HDAC8: variants seen among roughly 807,000 people sequenced by gnomAD.
The protein encoded by HDAC8 is histone deacetylase-like 1.
Under a neutral mutation model 32.2 loss-of-function variants are expected in HDAC8, and 1 was observed. The observed-to-expected ratio is 0.03, with a 90% CI of 0.01 to 0.15. The LOEUF is 0.15. Ranked by LOEUF, HDAC8 falls within the 10% of genes least tolerant of loss-of-function variation. HDAC8 has a pLI of 1.00. For missense variants in HDAC8, 117 were observed against 300.0 expected (o/e 0.39, Z 4.51); for synonymous variants, 108 against 113.9 (o/e 0.95, Z 0.33).
At chrX:72,336,121 T>C (rs1187120809) in intron 10 of HDAC8, among the ~76,000 whole-genome samples, 1 of 111,928 alleles carries the variant, frequency 8.9e-6, no homozygotes, top group Admixed American at 9.5e-5. Context: ...CCCAAGTGAC[T>C]GTACCATATT....
chrX:72,454,964 C>T (rs1435523253), intron 9 of HDAC8, among the ~76,000 whole-genome samples: 5 of 112,472 alleles, frequency 4.4e-5, no homozygotes, highest in African/African-American at 1.3e-4. Flanking sequence ...AGAATTTATT[C>T]GCACCTTACA....
intron 9 of HDAC8, among the ~76,000 whole-genome samples, chrX:72,430,758 T>C (rs925327735): frequency 8.9e-6 from 1 of 112,000 alleles, no homozygotes; most frequent in Non-Finnish European, 1.9e-5. Flanking sequence ...CCAATAAATG[T>C]TGAGTGGGAG....
At chrX:72,332,240 C>T (rs2043544989) in intron 10 of HDAC8, among the ~76,000 whole-genome samples, 1 of 112,711 alleles carries the variant, frequency 8.9e-6, no homozygotes, top group South Asian at 3.6e-4. Context: ...CCACTATGAA[C>T]ATTCACATAC....
chrX:72,440,354 T>C (rs1731426576), intron 9 of HDAC8, among the ~76,000 whole-genome samples: 1 of 111,740 alleles, frequency 8.9e-6, no homozygotes, highest in South Asian at 3.7e-4. Flanking sequence ...TAGCACTAAG[T>C]GCCCACAACA....
chrX:72,520,384 G>GT (rs1257958322), intron 4 of HDAC8, among the ~76,000 whole-genome samples: 1 of 111,894 alleles, frequency 8.9e-6, no homozygotes, highest in African/African-American at 3.2e-5. Context: ...TAAAAGAACT[G>GT]TTTTTTCCAA....
In HDAC8 at chrX:72,569,571, T is replaced by C. The variant is rs782117176; in HGVS notation, c.165-687A>G. 1.4e-4 allele frequency among the ~76,000 whole-genome samples: 16 copies of C among 112,624 alleles called. No homozygotes were observed. The South Asian group carries it at 4.1e-3, about 29-fold the overall frequency. ...ATGTTTCTAGACTTGGACCCTCCTA[T>C]CTGCCTCTGAGAGCGAGGCGAGAAG... On this transcript the variant is annotated intron_variant, in intron 2 of 10. Coordinates refer to ENST00000373573, the MANE Select transcript of HDAC8 (RefSeq NM_018486.3).
At chrX:72,500,714 A>C (rs2049183322) in intron 4 of HDAC8, among the ~76,000 whole-genome samples, 1 of 112,204 alleles carries the variant, frequency 8.9e-6, no homozygotes, top group African/African-American at 3.2e-5. Context: ...AAACTGGCAC[A>C]AGACAAAGAT....
At chrX:72,531,565 A>G (rs1195288824) in intron 4 of HDAC8, among the ~76,000 whole-genome samples, 1 of 112,032 alleles carries the variant, frequency 8.9e-6, no homozygotes, top group African/African-American at 3.2e-5. Context: ...CAATTTTAGA[A>G]TATTTTCATC....
intron 5 of HDAC8, among the ~76,000 whole-genome samples, chrX:72,491,495 A>C (rs2048870217): frequency 8.9e-6 from 1 of 112,405 alleles, no homozygotes; most frequent in African/African-American, 3.2e-5. Context: ...TAGAAACATT[A>C]GCCATTATAT....
intron 9 of HDAC8, among the ~76,000 whole-genome samples, chrX:72,434,876 A>C (rs1333560865): frequency 8.9e-6 from 1 of 112,373 alleles, no homozygotes; most frequent in African/African-American, 3.2e-5. Flanking sequence ...GACACTGGTT[A>C]AATGATTTGC....
chrX:72,337,012 A>T (rs1374271476), intron 10 of HDAC8, among the ~76,000 whole-genome samples: 1 of 112,230 alleles, frequency 8.9e-6, no homozygotes, highest in Admixed American at 9.5e-5. Context: ...GGCCTCCCAA[A>T]GTGCTGAGAT....
chrX:72,440,092 A>G (rs781814401), intron 9 of HDAC8, among the ~76,000 whole-genome samples: 1 of 112,130 alleles, frequency 8.9e-6, no homozygotes, highest in African/African-American at 3.2e-5. Context: ...CTCCTCAGCA[A>G]ATGCAAAAGA....
chrX:72,543,558 T>C (rs1556045964), intron 4 of HDAC8, among the ~76,000 whole-genome samples: 1 of 111,698 alleles, frequency 9.0e-6, no homozygotes, highest in African/African-American at 3.3e-5. Flanking sequence ...AATGTCCCAA[T>C]GTCCCGAGAG....
chrX:72,339,894 C>T (rs1569226909), intron 10 of HDAC8, among the ~76,000 whole-genome samples: 1 of 111,999 alleles, frequency 8.9e-6, no homozygotes, highest in Non-Finnish European at 1.9e-5. Context: ...CTTGGAATGT[C>T]GATCCCTCCT....
chrX:72,372,186 T>G (rs2044899208), intron 9 of HDAC8, among the ~76,000 whole-genome samples: 1 of 111,179 alleles, frequency 9.0e-6, no homozygotes, highest in South Asian at 3.9e-4. Flanking sequence ...TACACCCAAC[T>G]AATCCACATT....
chrX:72,462,986 T>C (rs2047906717), intron 8 of HDAC8, among the ~76,000 whole-genome samples: 1 of 111,822 alleles, frequency 8.9e-6, no homozygotes, highest in Non-Finnish European at 1.9e-5. Flanking sequence ...GGATAACATG[T>C]ATAAACTCGG....
At chrX:72,442,338 C>T (rs1188916593) in intron 9 of HDAC8, among the ~76,000 whole-genome samples, 4 of 111,541 alleles carry the variant, frequency 3.6e-5, no homozygotes, top group Admixed American at 1.9e-4. Context: ...GCGGATCTCT[C>T]GGCAGAAACT....
intron 7 of HDAC8, chrX:72,473,548 C>T (rs2048244330): frequency 4.4e-6 from 1 of 227,284 alleles, no homozygotes. Context: ...GGGAAACTGC[C>T]ATACAGAGAG....
At chrX:72,405,506 T>C (rs781858338) in intron 9 of HDAC8, among the ~76,000 whole-genome samples, 26 of 112,512 alleles carry the variant, frequency 2.3e-4, no homozygotes, top group African/African-American at 8.4e-4. Context: ...GGTTGAATGG[T>C]ATTTCTGTCT....
Sources: gnomAD v4.1 joint callset for allele counts (sites outside exome capture counted in the v4.1 genomes callset) on GRCh38, gnomAD v4.1.1 for gene constraint, MANE v1.5 for transcripts, NCBI Gene and HGNC (gene_info 2026-07-23, HGNC 2026-07-21) for gene names.